Variants in SLC25A40 observed in about 807,000 individuals in gnomAD.
SLC25A40 encodes the protein mitochondrial glutathione transporter SLC25A40.
SLC25A40 carries 41 observed loss-of-function variants against 46.5 expected under a neutral mutation model. The observed-to-expected ratio is 0.88, with a 90% CI of 0.69 to 1.14. The LOEUF (loss-of-function observed/expected upper bound fraction) is 1.14. Ranked by LOEUF, SLC25A40 falls within the 50% of genes most tolerant of loss-of-function variation. The probability of loss-of-function intolerance (pLI) is 0.00; values close to 1 mark genes in which losing one functional copy is unlikely to be tolerated. For synonymous variants in SLC25A40, 126 were observed against 127.5 expected (o/e 0.99, Z 0.08); for missense variants, 386 against 393.6 (o/e 0.98, Z 0.16).
chr7:87,834,027 T>TAATCA lies in SLC25A40; in HGVS notation c.*2217_*2221dup. The TAATCA allele has an allele frequency of 6.6e-6, 1 of 152,094 alleles. No individual in the cohort carries two copies. Among genetic ancestry groups the TAATCA allele is most frequent in the South Asian group, 2.1e-4 (1 of 4,826 alleles). 9.4% of individuals were successfully genotyped at this position (152,094 alleles called of 1,614,324 possible). On this transcript the variant is annotated 3_prime_UTR_variant, in exon 12 of 12. Coordinates refer to ENST00000341119, the MANE Select transcript of SLC25A40 (RefSeq NM_018843.4). ...GATGTTCCTTCCTAAAATTTTACAT[T>TAATCA]AATCAATTAAATGTTTATGTTAGAA... is the stretch of plus-strand genomic sequence containing the variant.
intron 6 of SLC25A40, among the ~76,000 whole-genome samples, chr7:87,849,131 C>G (rs1411307886): frequency 6.6e-6 from 1 of 152,092 alleles, no homozygotes; most frequent in African/African-American, 2.4e-5. Flanking sequence ...TATCATACAG[C>G]TTTAGTAAAA....
At chr7:87,866,504 T>C (rs1455149872) in intron 1 of SLC25A40, among the ~76,000 whole-genome samples, 2 of 152,226 alleles carry the variant, frequency 1.3e-5, no homozygotes. Flanking sequence ...TTGATTATTA[T>C]ATGCTGTGGG....
intron 8 of SLC25A40, among the ~76,000 whole-genome samples, chr7:87,844,245 T>C (rs1838379288): frequency 2.0e-5 from 3 of 152,288 alleles, no homozygotes; most frequent in Admixed American, 2.0e-4. Flanking sequence ...ATGATTAAGT[T>C]GGGTTACCCC....
chr7:87,858,017 G>C (rs934872136), intron 3 of SLC25A40, among the ~76,000 whole-genome samples: 1 of 152,110 alleles, frequency 6.6e-6, no homozygotes, highest in South Asian at 2.1e-4. Flanking sequence ...GGCCACTCTG[G>C]GAGTGTCTGT....
chr7:87,847,871 CAACAATT>C lies in SLC25A40; in HGVS notation c.432_438del (p.Ile145LeufsTer4). On this transcript the variant is annotated frameshift_variant, in exon 7 of 12. Coordinates refer to ENST00000341119, the MANE Select transcript of SLC25A40 (RefSeq NM_018843.4). LOFTEE classifies it high-confidence loss of function. ...TACTCACATCTGGCTACAATTCCAG[CAACAATT>C]GGTATGCAGGTTTCATTTTCTCCTA... 1 of 1,608,768 alleles carries C rather than the reference CAACAATT, an allele frequency of 6.2e-7. No homozygotes were observed. Among genetic ancestry groups the C allele is most frequent in the Non-Finnish European group, 8.5e-7 (1 of 1,178,226 alleles).
At chr7:87,865,407 T>C (rs980422175) in intron 1 of SLC25A40, among the ~76,000 whole-genome samples, 3 of 152,238 alleles carry the variant, frequency 2.0e-5, no homozygotes, top group African/African-American at 4.8e-5. Context: ...TCACAGTTTT[T>C]AACAGATTTT....
At position 87,858,706 on chromosome 7, in the gene SLC25A40, G is replaced by A. The variant is rs1396134722; in HGVS notation, c.22C>T (p.Gln8Ter). 1.2e-6 allele frequency: 2 copies of A among 1,612,006 alleles called. No homozygotes were observed. The highest frequency in any genetic ancestry group is 8.5e-7 in the Non-Finnish European group (1 of 1,178,404). MDPETRG[Q>*]EIIKVTPLQQ... ...AGAGGTGTCACTTTGATAATCTCTT[G>A]TCCCCTTGTCTCAGGATCCATATTT... Residue 8 changes from glutamine (Q) to a stop codon, truncating the protein, a stop_gained, in exon 3 of 12, where the codon CAA (glutamine) becomes TAA (stop). Transcript: ENST00000341119. LOFTEE classifies it high-confidence loss of function.
At chr7:87,838,565 T>C (rs1177289475) in intron 10 of SLC25A40, among the ~76,000 whole-genome samples, 1 of 151,572 alleles carries the variant, frequency 6.6e-6, no homozygotes, top group Admixed American at 6.6e-5. Flanking sequence ...TCCAAATTTA[T>C]TATATCATAA....
chr7:87,868,373 T>C (rs748073240), intron 1 of SLC25A40, among the ~76,000 whole-genome samples: 10 of 152,178 alleles, frequency 6.6e-5, no homozygotes, highest in African/African-American at 2.4e-4. Context: ...TCCCCCTACC[T>C]ATATGCAGTG....
intron 1 of SLC25A40, 35 bp downstream of exon 1, chr7:87,876,061 T>C (rs1050632351): frequency 1.3e-5 from 2 of 152,250 alleles, no homozygotes; most frequent in Admixed American, 1.3e-4. Context: ...CGCCTTCAGC[T>C]TCCCAGACGT....
At chr7:87,858,487 CCT>C in intron 3 of SLC25A40, 142 bp downstream of exon 3, 1 of 562,412 alleles carries the variant, frequency 1.8e-6, no homozygotes, top group South Asian at 2.6e-5. Context: ...CTGTAAAATT[CCT>C]CTCTTTGTAC....
chr7:87,856,198 T>C, intron 4 of SLC25A40, 94 bp downstream of exon 4: 1 of 1,134,898 alleles, frequency 8.8e-7, no homozygotes, highest in South Asian at 1.5e-5. Flanking sequence ...GCATCAATTT[T>C]AATAAATTAG....
At chr7:87,871,832 G>A (rs1444327122) in intron 1 of SLC25A40, among the ~76,000 whole-genome samples, 4 of 152,162 alleles carry the variant, frequency 2.6e-5, no homozygotes, top group African/African-American at 9.7e-5. Context: ...AAGCTATCCA[G>A]ACCTGGAGTT....
intron 2 of SLC25A40, among the ~76,000 whole-genome samples, chr7:87,859,861 T>C (rs1838671503): frequency 6.6e-6 from 1 of 152,116 alleles, no homozygotes; most frequent in Non-Finnish European, 1.5e-5. Context: ...CTACAATTAC[T>C]GTAGGAAAGA....
intron 10 of SLC25A40, among the ~76,000 whole-genome samples, chr7:87,838,079 A>G (rs1221770484): frequency 6.6e-6 from 1 of 151,494 alleles, no homozygotes; most frequent in Non-Finnish European, 1.5e-5. Flanking sequence ...AATGAAGACT[A>G]AGATAAATGA....
chr7:87,843,762 A>G lies in SLC25A40; in HGVS notation c.733T>C (p.Ser245Pro). ...CAAAAGAATAAACTTACAGAACCAGACAATGCCCCTGAAGTAAAGTTGATC... is the reference window on the plus strand; with the variant it reads ...CAAAAGAATAAACTTACAGAACCAGGCAATGCCCCTGAAGTAAAGTTGATC... The part of the protein sequence containing the change: ...FMINFTSGAL[S>P]GSFAAVATLP... Residue 245 changes from serine to proline, a missense_variant, in exon 9 of 12, where the codon TCT (serine) becomes CCT (proline). Coordinates refer to ENST00000341119, the MANE Select transcript of SLC25A40 (RefSeq NM_018843.4). The G allele has an allele frequency of 6.2e-7, 1 of 1,603,928 alleles. No individual in the cohort carries two copies. The highest frequency in any genetic ancestry group is 1.1e-5 in the South Asian group (1 of 90,626).
intron 5 of SLC25A40, among the ~76,000 whole-genome samples, chr7:87,853,424 C>G (rs750516482): frequency 6.6e-6 from 1 of 152,136 alleles, no homozygotes; most frequent in Non-Finnish European, 1.5e-5. Flanking sequence ...TTAGGAGTTG[C>G]TTAAACTATA....
Position 87,836,261 on chromosome 7 carries a change from C to T in SLC25A40, c.1005G>A (p.Arg335=). ...TGAAACAGCATCACTAGTATTGCTG[C>T]CTTCGAACATTTTGTTTCTGGAAAA... ...KAFFQKQNVR[R]QQY is the part of the protein sequence containing the mutation. Residue 335 remains arginine (R), a synonymous_variant, in exon 12 of 12, where the codon AGG becomes AGA. Coordinates refer to ENST00000341119, the MANE Select transcript of SLC25A40 (RefSeq NM_018843.4). 2 of 1,584,614 alleles carry T rather than the reference C, an allele frequency of 1.3e-6. No homozygotes were observed. The highest frequency in any genetic ancestry group is 1.7e-6 in the Non-Finnish European group (2 of 1,167,864).
At chr7:87,871,655 A>G (rs1212038031) in intron 1 of SLC25A40, among the ~76,000 whole-genome samples, 2 of 152,048 alleles carry the variant, frequency 1.3e-5, no homozygotes, top group Non-Finnish European at 2.9e-5. Flanking sequence ...CCTGGAATAA[A>G]CCTCCATTTA....
Sources: gnomAD v4.1 joint callset for allele counts (sites outside exome capture counted in the v4.1 genomes callset) on GRCh38, gnomAD v4.1.1 for gene constraint, MANE v1.5 for transcripts, NCBI Gene and HGNC (gene_info 2026-07-23, HGNC 2026-07-21) for gene names.